Variants in RBM5 observed in about 807,000 individuals in gnomAD.
RBM5 encodes the protein RNA binding motif protein 5, also known as RNA-binding protein 5.
A neutral mutation model predicts 124.6 loss-of-function variants in RBM5; 15 were observed. The observed-to-expected ratio is 0.12, with a 90% CI of 0.08 to 0.19. The LOEUF is 0.19. Among genes scored for constraint, RBM5 ranks in the 10% least tolerant of loss-of-function variants. The probability of loss-of-function intolerance (pLI) is 1.00; values close to 1 mark genes in which losing one functional copy is unlikely to be tolerated. For missense variants in RBM5, 580 were observed against 1,026.5 expected (o/e 0.57, Z 5.94); for synonymous variants, 337 against 361.2 (o/e 0.93, Z 0.76).
intron 11 of RBM5, chr3:50,107,188 A>G: frequency 1.6e-6 from 1 of 632,042 alleles, no homozygotes; most frequent in East Asian, 3.0e-5. Flanking sequence ...ACAGCGTGCT[A>G]ATAATTTCAT....
rs758586023 is a variant in RBM5, at chr3:50,090,461, T to A, written c.17+10T>A. 26 of 1,613,862 alleles carry A rather than the reference T, an allele frequency of 1.6e-5. No individual in the cohort carries two copies. The highest frequency in any genetic ancestry group is 8.5e-7 in the Non-Finnish European group (1 of 1,179,904). On this transcript the variant is annotated intron_variant, in intron 2 of 24. Coordinates refer to ENST00000347869, the MANE Select transcript of RBM5 (RefSeq NM_005778.4). ...TGGGTTCAGACAAAAGGTAAGTTACTACAGTACGTGGCTTTGATCTCAACA... is the reference window on the plus strand; with the variant it reads ...TGGGTTCAGACAAAAGGTAAGTTACAACAGTACGTGGCTTTGATCTCAACA...
intron 17 of RBM5, among the ~76,000 whole-genome samples, chr3:50,111,841 C>CT (rs534568382): frequency 1.3e-3 from 194 of 152,182 alleles, no homozygotes; most frequent in Middle Eastern, 6.8e-3. Flanking sequence ...GGAAAAACAA[C>CT]TTTAACACCC....
At chr3:50,105,926 C>T (rs1223931916) in intron 10 of RBM5, among the ~76,000 whole-genome samples, 1 of 151,978 alleles carries the variant, frequency 6.6e-6, no homozygotes, top group Non-Finnish European at 1.5e-5. Context: ...TTTTGAGCCA[C>T]AGTTTAGTCC....
chr3:50,108,763 A>G (rs1309959022), intron 14 of RBM5, among the ~76,000 whole-genome samples: 1 of 152,188 alleles, frequency 6.6e-6, no homozygotes, highest in Non-Finnish European at 1.5e-5. Flanking sequence ...CATGTACCCA[A>G]GGTTCTGGGG....
At chr3:50,099,671 C>A in intron 4 of RBM5, 1 of 172,976 alleles carries the variant, frequency 5.8e-6, no homozygotes, top group Non-Finnish European at 1.2e-5. Context: ...GTACTCCAGC[C>A]TGGGTGACAG....
chr3:50,096,930 G>A (rs776475706), intron 4 of RBM5, among the ~76,000 whole-genome samples: 2 of 152,092 alleles, frequency 1.3e-5, no homozygotes, highest in Non-Finnish European at 2.9e-5. Context: ...CCCTTCAGGC[G>A]GAGGGGTATC....
rs183382351 is a variant in RBM5 at position 50,094,003 on chromosome 3, C to T, written c.339+128C>T. 164 of 1,012,284 alleles carry T rather than the reference C, an allele frequency of 1.6e-4. 2 individuals are homozygous for T. In the East Asian group the frequency reaches 3.3e-3, roughly 20 times the overall value. The allele number at this position is 1,012,284 out of a possible 1,614,324, so 62.7% of individuals were successfully genotyped here. The stretch of plus-strand genomic sequence containing the variant: ...GGTTGAGTATCCCTTATCCAAAATG[C>T]TTGGGACCAGAACTGTTTTGATATT... On this transcript the variant is annotated intron_variant, in intron 4 of 24. Coordinates refer to ENST00000347869, the MANE Select transcript of RBM5 (RefSeq NM_005778.4).
chr3:50,114,461 A>G, intron 20 of RBM5: 2 of 529,584 alleles, frequency 3.8e-6, no homozygotes, highest in African/African-American at 2.0e-5. Flanking sequence ...AGAAGCTTCA[A>G]TTCCTAAGCT....
At chr3:50,099,141 G>C (rs1013764145) in intron 4 of RBM5, among the ~76,000 whole-genome samples, 1 of 151,996 alleles carries the variant, frequency 6.6e-6, no homozygotes, top group African/African-American at 2.4e-5. Context: ...TGTAGTCCCA[G>C]CTACTTAGGA....
At chr3:50,107,138 A>C in intron 11 of RBM5, 1 of 671,158 alleles carries the variant, frequency 1.5e-6, no homozygotes. Context: ...CTGCAGCAGT[A>C]TAGTGCTAAC....
intron 14 of RBM5, 48 bp downstream of exon 14, chr3:50,108,352 TGAA>T (rs2091078628): frequency 6.8e-7 from 1 of 1,467,252 alleles, no homozygotes; most frequent in African/African-American, 1.4e-5. Context: ...CACTTACAGT[TGAA>T]GAAATATGAT....
chr3:50,113,908 G>A, intron 18 of RBM5, 42 bp from the exon 19 acceptor site: 1 of 1,602,128 alleles, frequency 6.2e-7, no homozygotes, highest in Non-Finnish European at 8.5e-7. Context: ...ATGGCACAGG[G>A]GATTAAATAT....
At chr3:50,114,532 A>C in intron 20 of RBM5, 1 of 389,120 alleles carries the variant, frequency 2.6e-6, no homozygotes, top group Non-Finnish European at 4.5e-6. Context: ...GAAAGAGAAA[A>C]TTAAGACAAG....
chr3:50,103,844 T>C (rs184176734), intron 7 of RBM5, among the ~76,000 whole-genome samples: 18 of 152,254 alleles, frequency 1.2e-4, no homozygotes, highest in Non-Finnish European at 2.1e-4. Context: ...ATGTTGACAT[T>C]GATATTTTGA....
Position 50,108,155 on chromosome 3 carries a change from G to T in RBM5, c.1119+8G>T. On this transcript the variant is annotated splice_region_variant and intron_variant, in intron 13 of 24. Coordinates refer to ENST00000347869, the MANE Select transcript of RBM5 (RefSeq NM_005778.4). ...TATGCCCAATATGCTCAGGTAGGTA[G>T]ATTTTAGCAGCATCCACCTTATAGT... The T allele has an allele frequency of 6.2e-7, 1 of 1,607,386 alleles. No homozygotes were observed. Among genetic ancestry groups the T allele is most frequent in the Non-Finnish European group, 8.5e-7 (1 of 1,173,826 alleles).
chr3:50,104,116 C>T, intron 7 of RBM5, 132 bp from the exon 8 acceptor site: 1 of 705,378 alleles, frequency 1.4e-6, no homozygotes, highest in Non-Finnish European at 2.5e-6. Context: ...GGTTATGTCC[C>T]CATGTCTCAG....
At chr3:50,102,919 A>G (rs1028723641) in intron 6 of RBM5, 164 bp from the exon 7 acceptor site, 7 of 618,576 alleles carry the variant, frequency 1.1e-5, no homozygotes, top group Middle Eastern at 3.9e-4. Flanking sequence ...CTTACTGCCT[A>G]TCTGAAGGAT....
At chr3:50,116,033 G>A (rs1394086590) in intron 22 of RBM5, 53 bp downstream of exon 22, 1 of 1,517,566 alleles carries the variant, frequency 6.6e-7, no homozygotes. Flanking sequence ...ATTGCCTTTA[G>A]CTTTTATTTG....
At chr3:50,111,080 C>T (rs758916754) in intron 17 of RBM5, among the ~76,000 whole-genome samples, 1 of 152,180 alleles carries the variant, frequency 6.6e-6, no homozygotes, top group Non-Finnish European at 1.5e-5. Flanking sequence ...ATTCCCAGCC[C>T]ACCTAATCCT....
Sources: allele counts gnomAD v4.1 joint callset (sites outside exome capture counted in the v4.1 genomes callset), GRCh38; gene constraint gnomAD v4.1.1; transcripts MANE v1.5; gene names NCBI Gene and HGNC (gene_info 2026-07-23, HGNC 2026-07-21).